The following MYH10 variants were observed in gnomAD, a reference collection of about 807,000 sequenced individuals.
MYH10 encodes the protein myosin-10.
In MYH10, 55 loss-of-function variants were observed where a neutral mutation model predicts 257.8. That is an observed-to-expected ratio of 0.21 (90% CI 0.17 to 0.27). The LOEUF (loss-of-function observed/expected upper bound fraction) is 0.27, where lower values mean the gene tolerates loss of function less well. Ranked by LOEUF, MYH10 falls within the 10% of genes least tolerant of loss-of-function variation. The pLI, the probability that MYH10 is intolerant of heterozygous loss-of-function variation, is 1.00. For synonymous variants in MYH10, 854 were observed against 921.7 expected, an observed-to-expected ratio of 0.93 and a Z score of 1.33; for missense variants, 1,631 against 2,500.6, an observed-to-expected ratio of 0.65 and a Z score of 7.42.
chr17:8,563,517 T>C (rs2083062605), intron 7 of MYH10, among the ~76,000 whole-genome samples: 1 of 152,176 alleles, frequency 6.6e-6, no homozygotes, highest in African/African-American at 2.4e-5. Context: ...GCTGTATTGT[T>C]GGGGGTGCTC....
At chr17:8,557,153 G>A (rs893594055) in intron 7 of MYH10, among the ~76,000 whole-genome samples, 2 of 152,004 alleles carry the variant, frequency 1.3e-5, no homozygotes, top group Non-Finnish European at 2.9e-5. Flanking sequence ...ACCTACTAAA[G>A]AAGTTCCTCA....
chr17:8,609,524 T>C (rs2084944990), intron 2 of MYH10, among the ~76,000 whole-genome samples: 1 of 152,080 alleles, frequency 6.6e-6, no homozygotes, highest in African/African-American at 2.4e-5. Context: ...AAGAAAACTT[T>C]AGGAGACAGA....
At chr17:8,550,039 A>C (rs4791728) in intron 9 of MYH10, among the ~76,000 whole-genome samples, 68,968 of 143,330 alleles carry the variant, frequency 0.48, 16,642 homozygotes, top group Middle Eastern at 0.61. Context: ...GGCTCGCTAC[A>C]ACCTCCACCT....
chr17:8,563,719 T>G (rs1042887529), intron 7 of MYH10, among the ~76,000 whole-genome samples: 1 of 152,172 alleles, frequency 6.6e-6, no homozygotes, highest in African/African-American at 2.4e-5. Flanking sequence ...CAACTGCCTT[T>G]TGATAAATAG....
Position 8,546,527 on chromosome 17 carries a change from A to T in MYH10, c.1278+17T>A. 6.3e-7 allele frequency: 1 copy of T among 1,594,700 alleles called. No homozygotes were observed. The highest frequency in any genetic ancestry group is 8.6e-7 in the Non-Finnish European group (1 of 1,163,196). Reference sequence around the variant, plus strand: ...TCATTCAAACAAATCAGTAATAACAATGAACATGAAACCTACCTGTTCTTT... The same window carrying T: ...TCATTCAAACAAATCAGTAATAACATTGAACATGAAACCTACCTGTTCTTT... On this transcript the variant is annotated intron_variant, in intron 12 of 42. Transcript: ENST00000360416.
intron 28 of MYH10, among the ~76,000 whole-genome samples, chr17:8,502,849 TTA>T (rs1187983038): frequency 6.6e-6 from 1 of 152,194 alleles, no homozygotes; most frequent in Non-Finnish European, 1.5e-5. Flanking sequence ...GATCAGAACC[TTA>T]TTTTCTATTG....
chr17:8,613,117 A>G (rs9891783), intron 2 of MYH10, among the ~76,000 whole-genome samples: 36,915 of 152,110 alleles, frequency 0.24, 4,636 homozygotes, highest in Admixed American at 0.37. Flanking sequence ...TCAAGGGAAC[A>G]ACAATCAAAC....
In MYH10 at chr17:8,545,983, C is replaced by T. The variant is rs1261503047; in HGVS notation, c.1279-383G>A. ...TTCCCGAAGTATGCAGATTTGTCTA[C>T]TGGATTATCTATCTACCTGGGGAAA... On this transcript the variant is annotated intron_variant, in intron 12 of 42. Coordinates refer to ENST00000360416, the MANE Select transcript of MYH10 (RefSeq NM_001256012.3). This position sits in a 1 kb window ranked among gnomAD's most constrained non-coding sequence, Gnocchi z 4.7. 1.3e-5 allele frequency among the ~76,000 whole-genome samples: 2 copies of T among 152,054 alleles called. No individual in the cohort carries two copies. The highest frequency in any genetic ancestry group is 1.9e-4 in the East Asian group (1 of 5,180).
intron 31 of MYH10, among the ~76,000 whole-genome samples, chr17:8,494,813 T>C (rs898862763): frequency 6.6e-6 from 1 of 152,214 alleles, no homozygotes; most frequent in Admixed American, 6.5e-5. Flanking sequence ...AACAATCTTA[T>C]TGGAAATGGC....
intron 29 of MYH10, 32 bp from the exon 30 acceptor site, chr17:8,499,508 A>G (rs1917184904): frequency 1.2e-6 from 2 of 1,606,812 alleles, no homozygotes; most frequent in Non-Finnish European, 1.7e-6. Context: ...ATAATTCACT[A>G]GTTATTTTCT....
chr17:8,538,958 G>C (rs1273846688), intron 14 of MYH10, among the ~76,000 whole-genome samples: 3 of 152,160 alleles, frequency 2.0e-5, no homozygotes, highest in South Asian at 2.1e-4. Flanking sequence ...CTAGTAAATG[G>C]ATTAATTCAT....
chr17:8,507,237 C>T (rs954547414), intron 26 of MYH10, among the ~76,000 whole-genome samples: 6 of 152,222 alleles, frequency 3.9e-5, no homozygotes, highest in African/African-American at 1.4e-4. Flanking sequence ...ACTGACATGC[C>T]CTCTTTTGTT....
In MYH10 at chr17:8,484,266, C is replaced by G; in HGVS notation, c.5047G>C (p.Ala1683Pro). ...EVIKQLRKLQ[A>P]QMKDYQRELE... The stretch of plus-strand genomic sequence containing the variant: ...TCACGTTGGTAATCCTTCATCTGAG[C>G]CTAAGATTAAATAAGAAGGTTTTGG... Residue 1683 changes from alanine to proline, a missense_variant and splice_region_variant, in exon 37 of 43, where the codon GCT becomes CCT. Ala to Pro is a conservative substitution (Grantham distance 27, BLOSUM62 -1). This residue lies in a region of MYH10 where 463 missense variants were observed against 621.8 expected (regional missense o/e 0.74). Transcript: ENST00000360416. 1 of 1,602,298 alleles carries G rather than the reference C, an allele frequency of 6.2e-7. No homozygotes were observed. Among genetic ancestry groups the G allele is most frequent in the Non-Finnish European group, 8.5e-7 (1 of 1,176,846 alleles).
chr17:8,517,337 C>T (rs2081504789), intron 21 of MYH10, among the ~76,000 whole-genome samples: 1 of 152,260 alleles, frequency 6.6e-6, no homozygotes, highest in East Asian at 1.9e-4. Flanking sequence ...ACTATCTGGG[C>T]AAGCAGACTG....
At chr17:8,508,794 TC>T (rs1567818581) in intron 25 of MYH10, 117 bp from the exon 26 acceptor site, 1 of 1,202,660 alleles carries the variant, frequency 8.3e-7, no homozygotes, top group Non-Finnish European at 1.2e-6. Context: ...CGGCACTGCC[TC>T]CCCCAGCAGA....
intron 6 of MYH10, among the ~76,000 whole-genome samples, chr17:8,572,875 CATGAG>C (rs2083393663): frequency 1.3e-5 from 2 of 152,204 alleles, no homozygotes; most frequent in African/African-American, 4.8e-5. Flanking sequence ...TAGAAATTAA[CATGAG>C]ATAATTTCTG....
At chr17:8,518,066 G>A (rs551171384) in intron 21 of MYH10, among the ~76,000 whole-genome samples, 14 of 133,414 alleles carry the variant, frequency 1.0e-4, no homozygotes, top group Non-Finnish European at 2.3e-4. Flanking sequence ...CATTCTCTGA[G>A]GACTTGAGCT....
At chr17:8,551,383 G>A (rs1342372471) in intron 9 of MYH10, among the ~76,000 whole-genome samples, 1 of 152,088 alleles carries the variant, frequency 6.6e-6, no homozygotes, top group African/African-American at 2.4e-5. Flanking sequence ...GCAAAAGCCT[G>A]GATGCCAGAT....
Position 8,475,822 on chromosome 17 carries a change from C to G in MYH10, c.6006G>C (p.Gln2002His), listed in dbSNP as rs749514301. 6.2e-7 allele frequency: 1 copy of G among 1,614,162 alleles called. No homozygotes were observed. The highest frequency in any genetic ancestry group is 8.5e-7 in the Non-Finnish European group (1 of 1,179,998). Residue 2002 changes from glutamine to histidine, a missense_variant, in exon 43 of 43, where the codon CAG becomes CAC. This residue lies in a region of MYH10 where 343 missense variants were observed against 389.5 expected (regional missense o/e 0.88). Transcript: ENST00000360416. ...TGCAACTTTACTCTGACTGGGGTGG[C>G]TGCGTCTCGTTGACATCACTGGTCT... ...ESKTSDVNET[Q>H]PPQSE
Sources: gnomAD v4.1 joint callset for allele counts (sites outside exome capture counted in the v4.1 genomes callset) on GRCh38, gnomAD v4.1.1 for gene constraint, gnomAD v4.1.1 regional missense constraint, Gnocchi (gnomAD v3.1) non-coding constraint, MANE v1.5 for transcripts, NCBI Gene and HGNC (gene_info 2026-07-23, HGNC 2026-07-21) for gene names.